The following KCNG2 variants were observed in gnomAD, a reference collection of about 807,000 sequenced individuals.
The protein encoded by KCNG2 is voltage-gated potassium channel regulatory subunit KCNG2.
In KCNG2, 7 loss-of-function variants were observed where a neutral mutation model predicts 12.3. That is an observed-to-expected ratio of 0.57 (90% CI 0.32 to 1.07). KCNG2 has a LOEUF of 1.07. KCNG2 is among the 50% of genes least tolerant of loss of function. The pLI is 0.04. For synonymous variants in KCNG2, 414 were observed against 351.4 expected (o/e 1.18, Z -1.99); for missense variants, 703 against 726.0 (o/e 0.97, Z 0.36).
At position 79,899,555 on chromosome 18, in the gene KCNG2, G is replaced by A. The variant is rs1348265232; in HGVS notation, c.1140G>A (p.Leu380=). The A allele has an allele frequency of 1.2e-6, 2 of 1,602,004 alleles. No individual in the cohort carries two copies. Among genetic ancestry groups the A allele is most frequent in the East Asian group, 2.3e-5 (1 of 44,062 alleles). The change falls in exon 4 of 4, where the codon CTG becomes CTA. Residue 380 remains leucine, a synonymous_variant. Transcript: ENST00000316249. ...VGYGDMVPRS[L]PGQVVALSSI... ...ACGGCGACATGGTCCCGCGCAGCCT[G>A]CCCGGGCAGGTGGTGGCGCTCAGCA... is the stretch of plus-strand genomic sequence containing the variant.
At chr18:79,897,167 C>A (rs1209891047) in intron 3 of KCNG2, among the ~76,000 whole-genome samples, 1 of 149,282 alleles carries the variant, frequency 6.7e-6, no homozygotes, top group Non-Finnish European at 1.5e-5. Flanking sequence ...CATAGTTTTT[C>A]TTTTCCCTTC....
chr18:79,807,821 G>A (rs1311223817), intron 1 of KCNG2, among the ~76,000 whole-genome samples: 2 of 116,576 alleles, frequency 1.7e-5, no homozygotes, highest in African/African-American at 3.3e-5. Context: ...CCCAGAGTCC[G>A]CGCTCTGAGG....
intron 1 of KCNG2, among the ~76,000 whole-genome samples, chr18:79,809,395 T>A (rs1301128676): frequency 6.8e-6 from 1 of 147,208 alleles, no homozygotes; most frequent in East Asian, 2.1e-4. Flanking sequence ...TCTGAGGAGC[T>A]GCCGGGGACA....
intron 1 of KCNG2, among the ~76,000 whole-genome samples, chr18:79,815,045 G>C (rs1381973877): frequency 6.6e-6 from 1 of 152,028 alleles, no homozygotes; most frequent in Non-Finnish European, 1.5e-5. Flanking sequence ...CAGTATTCAT[G>C]AACTAGCATG....
Position 79,822,676 on chromosome 18 carries a change from C to G in KCNG2, c.-115+24662C>G, listed in dbSNP as rs1345562346. On this transcript the variant is annotated intron_variant, in intron 1 of 3. Transcript: ENST00000316249. This position sits in a 1 kb window ranked among gnomAD's most constrained non-coding sequence, Gnocchi z 4.4. ...GAACTCCTGACCTCAAGGGATCCACCCACCCCGGCCTCCAAAGTGCTGAGA... is the reference window on the plus strand; with the variant it reads ...GAACTCCTGACCTCAAGGGATCCACGCACCCCGGCCTCCAAAGTGCTGAGA... 6.6e-6 allele frequency among the ~76,000 whole-genome samples: 1 copy of G among 152,172 alleles called. No individual in the cohort carries two copies. Among genetic ancestry groups the G allele is most frequent in the African/African-American group, 2.4e-5 (1 of 41,424 alleles).
chr18:79,823,448 C>G (rs1480266392), intron 1 of KCNG2, among the ~76,000 whole-genome samples: 24 of 152,242 alleles, frequency 1.6e-4, no homozygotes, highest in Admixed American at 1.6e-3. Context: ...GCTGTTTGCT[C>G]ACAGCCAGGC....
chr18:79,881,344 C>A (rs772457505), intron 3 of KCNG2, among the ~76,000 whole-genome samples: 5 of 150,250 alleles, frequency 3.3e-5, no homozygotes, highest in Non-Finnish European at 5.9e-5. Context: ...AGCAAGAGAA[C>A]AGGACTGCCT....
At chr18:79,816,755 T>C (rs1406552336) in intron 1 of KCNG2, among the ~76,000 whole-genome samples, 3 of 152,256 alleles carry the variant, frequency 2.0e-5, no homozygotes, top group African/African-American at 7.2e-5. Flanking sequence ...CGCTGTTTCC[T>C]GAGTGACACC....
intron 3 of KCNG2, among the ~76,000 whole-genome samples, chr18:79,889,917 C>G (rs1319217745): frequency 1.3e-5 from 2 of 152,188 alleles, no homozygotes; most frequent in Non-Finnish European, 2.9e-5. Flanking sequence ...TTGAGTGTTT[C>G]TGTCATGAAA....
intron 1 of KCNG2, among the ~76,000 whole-genome samples, chr18:79,834,504 T>A (rs1434641376): frequency 6.6e-6 from 1 of 151,984 alleles, no homozygotes. Flanking sequence ...GTCAAAGGAA[T>A]GAGAAAAAGA....
At chr18:79,896,265 C>T (rs957498365) in intron 3 of KCNG2, among the ~76,000 whole-genome samples, 4 of 152,186 alleles carry the variant, frequency 2.6e-5, no homozygotes, top group African/African-American at 9.7e-5. Context: ...CACACCCAGC[C>T]CACTAATGAT....
intron 1 of KCNG2, among the ~76,000 whole-genome samples, chr18:79,852,753 A>G (rs1978869667): frequency 1.3e-5 from 2 of 152,256 alleles, no homozygotes; most frequent in African/African-American, 4.8e-5. Context: ...TTCCCGGCCA[A>G]TCAGGGGCGG....
chr18:79,813,704 C>T (rs1170732539), intron 1 of KCNG2, among the ~76,000 whole-genome samples: 3 of 152,180 alleles, frequency 2.0e-5, no homozygotes, highest in Non-Finnish European at 4.4e-5. Flanking sequence ...GCAAAGCCTT[C>T]TTAGACTTGA....
At chr18:79,873,901 CAT>C (rs1979964666) in intron 3 of KCNG2, among the ~76,000 whole-genome samples, 1 of 152,232 alleles carries the variant, frequency 6.6e-6, no homozygotes, top group Admixed American at 6.5e-5. Flanking sequence ...GCTGAGGGGA[CAT>C]CCTTGTCAGT....
At chr18:79,883,698 G>A (rs1980407475) in intron 3 of KCNG2, among the ~76,000 whole-genome samples, 2 of 152,204 alleles carry the variant, frequency 1.3e-5, no homozygotes, top group African/African-American at 2.4e-5. Context: ...GTGAAGACAT[G>A]TCTGTCTGGT....
chr18:79,855,362 G>A (rs1978973634), intron 1 of KCNG2, among the ~76,000 whole-genome samples: 1 of 152,128 alleles, frequency 6.6e-6, no homozygotes, highest in Admixed American at 6.5e-5. Flanking sequence ...CTACCCACTG[G>A]ATGCCAGTCA....
At chr18:79,890,473 C>G (rs1980706062) in intron 3 of KCNG2, among the ~76,000 whole-genome samples, 1 of 152,138 alleles carries the variant, frequency 6.6e-6, no homozygotes, top group Admixed American at 6.5e-5. Flanking sequence ...TGCCCCTTCC[C>G]CCTCCCCACT....
At chr18:79,829,099 CGT>C (rs1005017816) in intron 1 of KCNG2, among the ~76,000 whole-genome samples, 2 of 97,442 alleles carry the variant, frequency 2.1e-5, no homozygotes, top group Non-Finnish European at 4.0e-5. Flanking sequence ...TCTATGTGTG[CGT>C]GTGTGTAACA....
At chr18:79,819,023 T>C (rs917214528) in intron 1 of KCNG2, among the ~76,000 whole-genome samples, 1 of 152,014 alleles carries the variant, frequency 6.6e-6, no homozygotes, top group Non-Finnish European at 1.5e-5. Flanking sequence ...GCGTGTTGAA[T>C]GAGAAAACAG....
Sources: gnomAD v4.1 joint callset for allele counts (sites outside exome capture counted in the v4.1 genomes callset) on GRCh38, gnomAD v4.1.1 for gene constraint, Gnocchi (gnomAD v3.1) non-coding constraint, MANE v1.5 for transcripts, NCBI Gene and HGNC (gene_info 2026-07-23, HGNC 2026-07-21) for gene names.